Variants in TMEM235 observed in about 807,000 individuals in gnomAD.
TMEM235 encodes the protein claudin-27.
TMEM235 carries 23 observed loss-of-function variants against 22.9 expected under a neutral mutation model. The observed-to-expected ratio is 1.00, with a 90% CI of 0.72 to 1.42. TMEM235 has a LOEUF of 1.42. Among genes scored for constraint, TMEM235 ranks in the 40% most tolerant of loss-of-function variants. The pLI is 0.00. For synonymous variants in TMEM235, 137 were observed against 140.5 expected (o/e 0.98, Z 0.17); for missense variants, 308 against 299.5 (o/e 1.03, Z -0.21).
chr17:78,234,250 C>T, intron 3 of TMEM235: 1 of 692,040 alleles, frequency 1.4e-6, no homozygotes, highest in South Asian at 1.5e-5. Flanking sequence ...CCCAGCTTGG[C>T]TGGATCCTGC....
rs1035912798 is a variant in TMEM235, at chr17:78,237,063, G to C, written c.410-1961G>C. ...GACCCTCTGCATTGTGCCTGGGAGC[G>C]AAGGCACCGGCTAGGGGGTGGAGGG... On this transcript the variant is annotated intron_variant, in intron 4 of 5. Transcript: ENST00000421688. This position sits in a 1 kb window ranked among gnomAD's most constrained non-coding sequence, Gnocchi z 4.7. Among the ~76,000 whole-genome samples the C allele has an allele frequency of 6.6e-6, 1 of 152,008 alleles. No individual in the cohort carries two copies. The highest frequency in any genetic ancestry group is 1.5e-5 in the Non-Finnish European group (1 of 68,018).
intron 2 of TMEM235, among the ~76,000 whole-genome samples, chr17:78,233,091 C>T (rs1035256041): frequency 3.9e-5 from 6 of 152,190 alleles, no homozygotes; most frequent in Non-Finnish European, 7.3e-5. Flanking sequence ...TGTGTTCATC[C>T]AACAGACTGC....
Position 78,237,411 on chromosome 17 carries a change from G to T in TMEM235, c.410-1613G>T, listed in dbSNP as rs150391408. 2.0e-5 allele frequency among the ~76,000 whole-genome samples: 3 copies of T among 152,128 alleles called. No homozygotes were observed. The highest frequency in any genetic ancestry group is 4.4e-5 in the Non-Finnish European group (3 of 68,002). ...CAGCTTGAGGTTGCAGGTGCCAGCC[G>T]CAGAGGCCTCCTTTAGGAGGTCTGC... On this transcript the variant is annotated intron_variant, in intron 4 of 5. Coordinates refer to ENST00000421688, the Ensembl canonical transcript of TMEM235. The surrounding 1 kb of genome is among the most constrained non-coding windows in gnomAD (Gnocchi z 4.7).
exon 2 of TMEM235, chr17:78,231,582 C>T (rs1436431192): frequency 2.3e-6 from 3 of 1,303,892 alleles, no homozygotes; most frequent in African/African-American, 1.5e-5. Flanking sequence ...GCTGCCTGGC[C>T]GGCCATCCTC....
At chr17:78,240,107 C>A in exon 6 of TMEM235, 1 of 1,352,288 alleles carries the variant, frequency 7.4e-7, no homozygotes, top group Non-Finnish European at 9.7e-7. Context: ...CTGCTTCCGG[C>A]CCCCGACCCT....
intron 2 of TMEM235, among the ~76,000 whole-genome samples, chr17:78,233,154 C>T (rs953922173): frequency 3.3e-5 from 5 of 152,144 alleles, no homozygotes; most frequent in South Asian, 2.1e-4. Context: ...CGTGTGCACA[C>T]GCCTGTGCCT....
chr17:78,232,369 A>C (rs76310576), intron 2 of TMEM235, among the ~76,000 whole-genome samples, 156 bp downstream of exon 1: 12,278 of 150,866 alleles, frequency 0.081, 548 homozygotes, highest in Admixed American at 0.1. Flanking sequence ...CTCCCTCCCC[A>C]TCACCCTCCG....
At position 78,238,872 on chromosome 17, in the gene TMEM235, G is replaced by C. The variant is rs2076674875; in HGVS notation, c.410-152G>C. On this transcript the variant is annotated intron_variant, in intron 4 of 5. Transcript: ENST00000421688. The surrounding 1 kb of genome is among the most constrained non-coding windows in gnomAD (Gnocchi z 4.3). Reference sequence around the variant, plus strand: ...GGCGGCCAGGTTGACAGCCAGGCAGGGCTAACCATGACAGGAAGGGCGGTG... The same window carrying C: ...GGCGGCCAGGTTGACAGCCAGGCAGCGCTAACCATGACAGGAAGGGCGGTG... 6.6e-6 allele frequency among the ~76,000 whole-genome samples: 1 copy of C among 152,082 alleles called. No individual in the cohort carries two copies. The highest frequency in any genetic ancestry group is 2.4e-5 in the African/African-American group (1 of 41,398).
Position 78,238,548 on chromosome 17 carries a change from CTCTGTGTG to C in TMEM235, c.410-474_410-467del, listed in dbSNP as rs1008856110. On this transcript the variant is annotated intron_variant, in intron 4 of 5. Transcript: ENST00000421688. This position sits in a 1 kb window ranked among gnomAD's most constrained non-coding sequence, Gnocchi z 4.3. ...ACGCTGCTGCCAGCAGAGGCCATGG[CTCTGTGTG>C]TGTGTGTGTGTGTGTGTGTGTGTGT... Among the ~76,000 whole-genome samples the C allele has an allele frequency of 6.2e-5, 6 of 96,514 alleles. No homozygotes were observed. Among genetic ancestry groups the C allele is most frequent in the Admixed American group, 5.7e-4 (5 of 8,782 alleles). 63.3% of individuals were successfully genotyped at this position (96,514 alleles called of 152,430 possible).
exon 5 of TMEM235, chr17:78,239,240 G>A (rs1293035249): frequency 1.9e-6 from 3 of 1,542,488 alleles, no homozygotes; most frequent in Non-Finnish European, 2.6e-6. Context: ...CCCCCAATCT[G>A]TGGTCATCTG....
At chr17:78,239,891 C>A (rs749477706) in exon 6 of TMEM235, 1 of 1,551,280 alleles carries the variant, frequency 6.4e-7, no homozygotes, top group Admixed American at 2.0e-5. Flanking sequence ...CCACTCTCCC[C>A]GAAGGGCAGG....
chr17:78,238,585 T>TGTGTGTGTGTGTGA lies in TMEM235; in HGVS notation c.410-438_410-437insTGTGTGTGTGTGAG, dbSNP rs750495355. 1.1e-3 allele frequency among the ~76,000 whole-genome samples: 153 copies of TGTGTGTGTGTGTGA among 143,022 alleles called. No individual in the cohort carries two copies. The Middle Eastern group carries it at 0.015, about 14-fold the overall frequency. 93.8% of individuals were successfully genotyped at this position (143,022 alleles called of 152,430 possible). On this transcript the variant is annotated intron_variant, in intron 4 of 5. Coordinates refer to ENST00000421688, the Ensembl canonical transcript of TMEM235. The surrounding 1 kb of genome is among the most constrained non-coding windows in gnomAD (Gnocchi z 4.3). ...GTGTGTGTGTGTGTGTGTGTGTGTG[T>TGTGTGTGTGTGTGA]GAATGTGTGCAAATGTGTTCGTGTA...
rs113473031 is a variant in TMEM235 at position 78,234,977 on chromosome 17, G to A, written c.409+247G>A. ...TTTATAAAGAAAAGAGGTTTAGGCC[G>A]GGAGCAGTGGCTCATGCCTGTGATC... On this transcript the variant is annotated intron_variant, in intron 4 of 5. Transcript: ENST00000421688. 1.4e-4 allele frequency among the ~76,000 whole-genome samples: 22 copies of A among 152,344 alleles called. 1 individual carries two copies. Among genetic ancestry groups the A allele is most frequent in the Middle Eastern group, 6.8e-3 (2 of 294 alleles).
chr17:78,233,679 G>C (rs545289469), intron 2 of TMEM235, among the ~76,000 whole-genome samples: 109 of 147,860 alleles, frequency 7.4e-4, no homozygotes, highest in African/African-American at 2.7e-3. Context: ...TGGGGTGACA[G>C]AGCGAGACTC....
chr17:78,236,407 C>T (rs936110896), intron 4 of TMEM235, among the ~76,000 whole-genome samples: 1 of 152,228 alleles, frequency 6.6e-6, no homozygotes, highest in South Asian at 2.1e-4. Context: ...AGACTGTAAC[C>T]GGTAACCACC....
Position 78,238,963 on chromosome 17 carries a change from AC to A in TMEM235, c.410-59del. 1.3e-6 allele frequency: 2 copies of A among 1,496,380 alleles called. No homozygotes were observed. Among genetic ancestry groups the A allele is most frequent in the Non-Finnish European group, 8.9e-7 (1 of 1,120,998 alleles). The allele number at this position is 1,496,380 out of a possible 1,614,324, so 92.7% of individuals were successfully genotyped here. A position where few individuals can be genotyped will look rare whatever the true frequency, so the allele number is the denominator to read the frequency against. ...ATGCTGAGGCCATGTCTGCAGGACC[AC>A]CTGGGCCTGGGCCCGCTAGAGCAGA... On this transcript the variant is annotated intron_variant, in intron 4 of 5. Coordinates refer to ENST00000421688, the Ensembl canonical transcript of TMEM235. This position sits in a 1 kb window ranked among gnomAD's most constrained non-coding sequence, Gnocchi z 4.3.
At chr17:78,233,690 C>T (rs1287028146) in intron 2 of TMEM235, among the ~76,000 whole-genome samples, 1 of 145,322 alleles carries the variant, frequency 6.9e-6, no homozygotes, top group East Asian at 2.0e-4. Flanking sequence ...AGCGAGACTC[C>T]ATCTCAAAAA....
At chr17:78,239,181 A>G (rs1269968795) in exon 5 of TMEM235, 23 of 1,543,120 alleles carry the variant, frequency 1.5e-5, no homozygotes, top group Admixed American at 2.0e-5. Flanking sequence ...CCTTGGAGGC[A>G]TTCAGCGGAA....
chr17:78,234,072 C>A, intron 3 of TMEM235, 97 bp downstream of exon 2: 1 of 1,135,990 alleles, frequency 8.8e-7, no homozygotes, highest in Non-Finnish European at 1.2e-6. Context: ...ACTGCTTCCA[C>A]TGCCCCTGCG....
Sources: allele counts gnomAD v4.1 joint callset (sites outside exome capture counted in the v4.1 genomes callset), GRCh38; gene constraint gnomAD v4.1.1; non-coding constraint Gnocchi (gnomAD v3.1); transcripts MANE v1.5; gene names NCBI Gene and HGNC (gene_info 2026-07-23, HGNC 2026-07-21).